The following AGBL1 variants were observed in gnomAD, a reference collection of about 807,000 sequenced individuals.
The protein encoded by AGBL1 is cytosolic carboxypeptidase 4.
AGBL1 carries 130 observed loss-of-function variants against 118.9 expected under a neutral mutation model. The observed-to-expected ratio is 1.09, with a 90% confidence interval of 0.95 to 1.26. The LOEUF (loss-of-function observed/expected upper bound fraction) is 1.26. Among genes scored for constraint, AGBL1 ranks in the 50% most tolerant of loss-of-function variants. AGBL1 has a pLI of 0.00. For synonymous variants in AGBL1, 555 were observed against 478.9 expected (o/e 1.16, Z -2.08); for missense variants, 1,584 against 1,298.1 (o/e 1.22, Z -3.38).
chr15:86,961,173 CGTAT>C (rs2080989158), intron 23 of AGBL1, among the ~76,000 whole-genome samples: 2 of 151,966 alleles, frequency 1.3e-5, no homozygotes, highest in African/African-American at 4.8e-5. Context: ...TTTCACAATA[CGTAT>C]GTGTTATCAA....
chr15:86,726,200 C>CA (rs550127641), intron 22 of AGBL1, among the ~76,000 whole-genome samples: 4 of 152,234 alleles, frequency 2.6e-5, no homozygotes, highest in Middle Eastern at 3.4e-3. Context: ...CTTTACCTAG[C>CA]AAAAAAGCTC....
At chr15:86,748,965 T>A (rs1175426449) in intron 22 of AGBL1, among the ~76,000 whole-genome samples, 1 of 152,162 alleles carries the variant, frequency 6.6e-6, no homozygotes, top group Non-Finnish European at 1.5e-5. Flanking sequence ...CTTTGTTCTT[T>A]TTGCTTAGGA....
chr15:86,460,374 T>G lies in AGBL1; in HGVS notation c.2556-62436T>G, dbSNP rs547564792. 1.6e-3 allele frequency among the ~76,000 whole-genome samples: 208 copies of G among 133,460 alleles called. 6 individuals are homozygous for G. The South Asian group carries it at 0.05, about 32-fold the overall frequency. 87.6% of individuals were successfully genotyped at this position (133,460 alleles called of 152,430 possible). ...AGCCAGGCGTGGTGATAGGTACCTATAGTCCTAGCTACTTGGGAGGCTGAG... is the reference window on the plus strand; with the variant it reads ...AGCCAGGCGTGGTGATAGGTACCTAGAGTCCTAGCTACTTGGGAGGCTGAG... On this transcript the variant is annotated intron_variant, in intron 18 of 22. Coordinates refer to ENST00000614907, the MANE Select transcript of AGBL1 (RefSeq NM_001386094.1).
intron 22 of AGBL1, among the ~76,000 whole-genome samples, chr15:86,679,231 T>C (rs574112114): frequency 6.6e-6 from 1 of 152,140 alleles, no homozygotes; most frequent in African/African-American, 2.4e-5. Context: ...GATTCAGATC[T>C]GCTTTGATGT....
intron 24 of AGBL1, among the ~76,000 whole-genome samples, chr15:87,004,781 C>T (rs891089508): frequency 2.0e-5 from 3 of 151,994 alleles, no homozygotes; most frequent in Admixed American, 6.6e-5. Context: ...TTCTTCCTAG[C>T]ATTGATGGTC....
At chr15:86,425,700 C>T (rs956679077) in intron 18 of AGBL1, among the ~76,000 whole-genome samples, 5 of 152,130 alleles carry the variant, frequency 3.3e-5, no homozygotes, top group Non-Finnish European at 5.9e-5. Flanking sequence ...TGTAGTTGAT[C>T]ATCAGAATAC....
At chr15:86,093,589 C>G (rs1896169310) in intron 1 of AGBL1, among the ~76,000 whole-genome samples, 1 of 152,120 alleles carries the variant, frequency 6.6e-6, no homozygotes, top group South Asian at 2.1e-4. Context: ...TGAAGAGGAA[C>G]TATTAATCAG....
chr15:86,987,228 G>C (rs1466840061), intron 23 of AGBL1, among the ~76,000 whole-genome samples: 1 of 152,184 alleles, frequency 6.6e-6, no homozygotes, highest in Non-Finnish European at 1.5e-5. Flanking sequence ...CAGGGGATAT[G>C]ATGGCTTAGC....
At chr15:86,920,148 T>C (rs554425881), downstream of AGBL1, among the ~76,000 whole-genome samples, 1 of 152,298 alleles carries the variant, frequency 6.6e-6, no homozygotes, top group Non-Finnish European at 1.5e-5. Context: ...GACTCCTATC[T>C]GGAAGCTCAG....
intron 7 of AGBL1, among the ~76,000 whole-genome samples, chr15:86,254,987 A>G (rs1176484395): frequency 6.6e-6 from 1 of 152,142 alleles, no homozygotes; most frequent in Non-Finnish European, 1.5e-5. Flanking sequence ...AGTTCGTGGT[A>G]TGGCCCAATT....
At chr15:86,707,238 G>A (rs2086466499) in intron 22 of AGBL1, among the ~76,000 whole-genome samples, 1 of 152,016 alleles carries the variant, frequency 6.6e-6, no homozygotes, top group African/African-American at 2.4e-5. Context: ...CCATAATAGG[G>A]AACAAAGGTC....
Position 86,158,934 on chromosome 15 carries a change from C to G in AGBL1, c.396C>G (p.Val132=), listed in dbSNP as rs1314103148. Reference sequence around the variant, plus strand: ...CTACTGTGCTTTTGTTTTTCTTAGTCTCCATGGGAGCCATGCTGGGAATTA... The same window carrying G: ...CTACTGTGCTTTTGTTTTTCTTAGTGTCCATGGGAGCCATGCTGGGAATTA... ...LWALRVFASS[V]SMGAMLGING... is the part of the protein sequence containing the mutation. Residue 132 remains valine (V), a splice_region_variant and synonymous_variant, in exon 5 of 23, where the codon GTC becomes GTG. Coordinates refer to ENST00000614907, the MANE Select transcript of AGBL1 (RefSeq NM_001386094.1). 6.2e-7 allele frequency: 1 copy of G among 1,612,952 alleles called. No individual in the cohort carries two copies. The highest frequency in any genetic ancestry group is 1.7e-5 in the Admixed American group (1 of 59,968).
chr15:86,408,861 A>G (rs1336094831), intron 18 of AGBL1, among the ~76,000 whole-genome samples: 2 of 152,132 alleles, frequency 1.3e-5, no homozygotes, highest in African/African-American at 2.4e-5. Context: ...AGGAACTACA[A>G]TTTTTCCTCA....
At position 86,946,843 on chromosome 15, in the gene AGBL1, CAAA is replaced by C. The variant is rs11355715; in HGVS notation, c.3222-41128_3222-41126del. ...TGGGCAACGAGAGTGAAACTCGGTC[CAAA>C]AAAAAAAAAAAAAAACAAAATAGAA... On this transcript the variant is annotated intron_variant, in intron 23 of 24. Transcript: ENST00000441037. Among the ~76,000 whole-genome samples, 13 of 100,110 alleles carry C rather than the reference CAAA, an allele frequency of 1.3e-4. No homozygotes were observed. In the East Asian group the frequency reaches 2.3e-3, roughly 18 times the overall value. The allele number at this position is 100,110 out of a possible 152,430, so 65.7% of individuals were successfully genotyped here. A position where few individuals can be genotyped will look rare whatever the true frequency, so the allele number is the denominator to read the frequency against.
intron 21 of AGBL1, among the ~76,000 whole-genome samples, chr15:86,657,729 A>C (rs1365231161): frequency 1.3e-5 from 2 of 152,138 alleles, no homozygotes; most frequent in Non-Finnish European, 2.9e-5. Context: ...GTGGTGGCCT[A>C]ATCTCACATC....
At chr15:86,985,569 G>T (rs2117081) in intron 23 of AGBL1, among the ~76,000 whole-genome samples, 18,595 of 151,842 alleles carry the variant, frequency 0.12, 1,526 homozygotes, top group East Asian at 0.26. Flanking sequence ...TTTTACCCAT[G>T]TTATATTGGG....
At chr15:86,507,967 C>G (rs1348051836) in intron 18 of AGBL1, among the ~76,000 whole-genome samples, 1 of 150,560 alleles carries the variant, frequency 6.6e-6, no homozygotes, top group Non-Finnish European at 1.5e-5. Flanking sequence ...AGTTGATGCT[C>G]CTTCCTTCTT....
rs542824095 is a variant in AGBL1 at position 86,732,321 on chromosome 15, G to A, written c.3158+57885G>A. Among the ~76,000 whole-genome samples, 4 of 152,250 alleles carry A rather than the reference G, an allele frequency of 2.6e-5. No homozygotes were observed. In the East Asian group the frequency reaches 7.7e-4, roughly 29 times the overall value. On this transcript the variant is annotated intron_variant, in intron 22 of 22. Coordinates refer to ENST00000614907, the MANE Select transcript of AGBL1 (RefSeq NM_001386094.1). The stretch of plus-strand genomic sequence containing the variant: ...GCGTTATAGGTTTTATTAGTAATAG[G>A]TTGATCTCATATAATCTACTCCACC...
intron 22 of AGBL1, among the ~76,000 whole-genome samples, chr15:86,779,900 T>C (rs1169614932): frequency 1.4e-5 from 2 of 145,144 alleles, no homozygotes; most frequent in African/African-American, 5.1e-5. Flanking sequence ...GTTGGAAAAG[T>C]ATGTGTTGGA....
Sources: allele counts gnomAD v4.1 joint callset (sites outside exome capture counted in the v4.1 genomes callset), GRCh38; gene constraint gnomAD v4.1.1; transcripts MANE v1.5; gene names NCBI Gene and HGNC (gene_info 2026-07-23, HGNC 2026-07-21).